Variants in ROBO2 observed in about 807,000 individuals in gnomAD.
ROBO2 encodes the protein roundabout guidance receptor 2.
In ROBO2, 53 loss-of-function variants were observed where a neutral mutation model predicts 160.8. The ratio of observed to expected loss-of-function variants is 0.33; its 90% CI spans 0.26 to 0.41. The LOEUF is 0.41. ROBO2 is among the 10% of genes least tolerant of loss of function. The pLI is 1.00. For synonymous variants in ROBO2, 664 were observed against 611.7 expected, an observed-to-expected ratio of 1.09 and a Z score of -1.26; for missense variants, 1,577 against 1,722.4, an observed-to-expected ratio of 0.92 and a Z score of 1.49.
intron 4 of ROBO2, among the ~76,000 whole-genome samples, chr3:77,492,545 T>C (rs1359585135): frequency 6.6e-6 from 1 of 151,216 alleles, no homozygotes; most frequent in East Asian, 1.9e-4. Flanking sequence ...AACATAAAAT[T>C]AAGTAAAAAA....
At chr3:77,200,319 A>ATATATATT (rs2082777544) in intron 2 of ROBO2, among the ~76,000 whole-genome samples, 1 of 61,536 alleles carries the variant, frequency 1.6e-5, no homozygotes, top group Non-Finnish European at 3.4e-5. Flanking sequence ...ATATATATAT[A>ATATATATT]TATTTTAGTT....
chr3:77,313,517 C>T (rs1358398472), intron 2 of ROBO2, among the ~76,000 whole-genome samples: 1 of 152,066 alleles, frequency 6.6e-6, no homozygotes, highest in Non-Finnish European at 1.5e-5. Flanking sequence ...CTCTTCCTAT[C>T]CCTGCTTTCC....
At chr3:76,688,650 G>A (rs2092735063) in intron 2 of ROBO2, among the ~76,000 whole-genome samples, 3 of 151,286 alleles carry the variant, frequency 2.0e-5, no homozygotes, top group Admixed American at 6.6e-5. Context: ...CAAGAACAGC[G>A]CAGTCCTAGT....
chr3:76,947,694 A>G (rs1332779842), intron 2 of ROBO2, among the ~76,000 whole-genome samples: 1 of 151,998 alleles, frequency 6.6e-6, no homozygotes, highest in African/African-American at 2.4e-5. Flanking sequence ...AATTCCTGCA[A>G]TCGATGACAT....
intron 2 of ROBO2, among the ~76,000 whole-genome samples, chr3:77,112,609 T>C: frequency 6.6e-6 from 1 of 152,064 alleles, no homozygotes; most frequent in East Asian, 1.9e-4. Context: ...GAATTATTGT[T>C]CCAGGAGCAT....
At chr3:76,292,739 C>A (rs1339861465) in intron 2 of ROBO2, among the ~76,000 whole-genome samples, 1 of 151,986 alleles carries the variant, frequency 6.6e-6, no homozygotes, top group South Asian at 2.1e-4. Context: ...AATTTTTAAT[C>A]ATTTTAATTT....
intron 2 of ROBO2, among the ~76,000 whole-genome samples, chr3:76,838,418 T>C (rs555678555): frequency 6.6e-6 from 1 of 152,170 alleles, no homozygotes; most frequent in East Asian, 1.9e-4. Context: ...TAGCAGAAAT[T>C]CACTTTTTGA....
intron 2 of ROBO2, among the ~76,000 whole-genome samples, chr3:76,251,017 C>A (rs906754658): frequency 6.6e-6 from 1 of 151,952 alleles, no homozygotes; most frequent in Non-Finnish European, 1.5e-5. Context: ...GCAGCCTTGG[C>A]CTTTCATAGC....
chr3:76,107,310 T>C (rs2069983341), intron 2 of ROBO2, among the ~76,000 whole-genome samples: 1 of 152,070 alleles, frequency 6.6e-6, no homozygotes, highest in African/African-American at 2.4e-5. Context: ...TGTCCAAACT[T>C]TGGAGCCTGT....
rs78582074 is a variant in ROBO2 at position 77,393,788 on chromosome 3, A to G, written c.389-83626A>G. 5.8e-3 allele frequency among the ~76,000 whole-genome samples: 885 copies of G among 151,986 alleles called. 12 individuals carry two copies. The highest frequency in any genetic ancestry group is 0.02 in the African/African-American group (841 of 41,520). ...GCTATTCATATACTAGCTGTTGAAT[A>G]TTTAACTCAATCAATGTGGTTGTTT... On this transcript the variant is annotated intron_variant, in intron 2 of 25. Transcript: ENST00000461745.
exon 19 of ROBO2, chr3:77,596,625 G>A (rs199618707): frequency 1.6e-4 from 262 of 1,613,748 alleles, no homozygotes; most frequent in Non-Finnish European, 2.1e-4. Flanking sequence ...TGTTTTAGCC[G>A]TCCAGGTCTT....
chr3:76,578,092 C>G (rs2085422604), intron 2 of ROBO2, among the ~76,000 whole-genome samples: 1 of 152,130 alleles, frequency 6.6e-6, no homozygotes, highest in African/African-American at 2.4e-5. Context: ...GTGTCACTTA[C>G]CAGCTTGGGA....
At chr3:76,029,914 AGT>A (rs916977887) in intron 2 of ROBO2, among the ~76,000 whole-genome samples, 1 of 152,162 alleles carries the variant, frequency 6.6e-6, no homozygotes, top group Non-Finnish European at 1.5e-5. Flanking sequence ...TGGTATTTCT[AGT>A]TAGAGATCCT....
intron 2 of ROBO2, among the ~76,000 whole-genome samples, chr3:76,384,804 T>C (rs1290025694): frequency 6.6e-6 from 1 of 152,158 alleles, no homozygotes; most frequent in Non-Finnish European, 1.5e-5. Context: ...CCTGCCTCCA[T>C]GATTCAATGA....
intron 2 of ROBO2, among the ~76,000 whole-genome samples, chr3:76,132,728 T>A (rs1339125159): frequency 6.6e-6 from 1 of 152,196 alleles, no homozygotes; most frequent in Non-Finnish European, 1.5e-5. Flanking sequence ...TAATGTCAGT[T>A]CTCTTATGTG....
chr3:76,699,638 A>C (rs143937508), intron 2 of ROBO2, among the ~76,000 whole-genome samples: 14 of 152,278 alleles, frequency 9.2e-5, no homozygotes, highest in African/African-American at 3.4e-4. Flanking sequence ...GCAAATGTTT[A>C]AATACATTTC....
At chr3:76,887,628 A>G (rs527911506) in intron 2 of ROBO2, among the ~76,000 whole-genome samples, 1 of 152,140 alleles carries the variant, frequency 6.6e-6, no homozygotes, top group Non-Finnish European at 1.5e-5. Context: ...CCTGCTAAAC[A>G]TAGTTCTCTC....
At chr3:76,127,864 T>TCAAA (rs980138822) in intron 2 of ROBO2, among the ~76,000 whole-genome samples, 1 of 149,672 alleles carries the variant, frequency 6.7e-6, no homozygotes, top group Admixed American at 6.7e-5. Flanking sequence ...AATAATCACT[T>TCAAA]CAAAGAACTG....
chr3:77,607,458 A>C (rs1175796713), intron 20 of ROBO2, among the ~76,000 whole-genome samples: 2 of 152,178 alleles, frequency 1.3e-5, no homozygotes, highest in African/African-American at 4.8e-5. Context: ...GTGTACTAAA[A>C]TTTGACATTT....
Sources: allele counts gnomAD v4.1 joint callset (sites outside exome capture counted in the v4.1 genomes callset), GRCh38; gene constraint gnomAD v4.1.1; transcripts MANE v1.5; gene names NCBI Gene and HGNC (gene_info 2026-07-23, HGNC 2026-07-21).